The following CHCHD6 variants were observed in gnomAD, a reference collection of about 807,000 sequenced individuals.
CHCHD6 encodes the protein coiled-coil-helix-coiled-coil-helix domain containing 6.
Under a neutral mutation model 32.3 loss-of-function variants are expected in CHCHD6, and 28 were observed. The ratio of observed to expected loss-of-function variants is 0.87; its 90% confidence interval spans 0.64 to 1.19. The LOEUF is 1.19. Ranked by LOEUF, CHCHD6 falls within the 50% of genes most tolerant of loss-of-function variation. The pLI is 0.00. For missense variants in CHCHD6, 333 were observed against 307.0 expected (o/e 1.08, Z -0.63); for synonymous variants, 122 against 117.5 (o/e 1.04, Z -0.25).
chr3:126,907,108 T>A (rs2078019057), intron 5 of CHCHD6, among the ~76,000 whole-genome samples: 1 of 152,126 alleles, frequency 6.6e-6, no homozygotes, highest in African/African-American at 2.4e-5. Context: ...AGGTAAAGGC[T>A]GAGATAGCTA....
intron 6 of CHCHD6, chr3:126,949,792 A>G (rs2078692060): frequency 6.0e-6 from 1 of 167,884 alleles, no homozygotes; most frequent in Non-Finnish European, 1.3e-5. Context: ...AAGGCTACAC[A>G]CAGAATTATC....
intron 4 of CHCHD6, among the ~76,000 whole-genome samples, chr3:126,757,811 C>T (rs139497922): frequency 3.9e-4 from 60 of 152,136 alleles, no homozygotes; most frequent in African/African-American, 8.9e-4. Context: ...GCCCAGCTGC[C>T]GACAGGGGTA....
intron 5 of CHCHD6, among the ~76,000 whole-genome samples, chr3:126,909,095 G>A (rs865960570): frequency 1.3e-5 from 2 of 152,192 alleles, no homozygotes; most frequent in Non-Finnish European, 2.9e-5. Flanking sequence ...CTTCTCTCCC[G>A]TGGCGCCCAG....
At chr3:126,849,079 G>A (rs559481266) in intron 4 of CHCHD6, among the ~76,000 whole-genome samples, 3 of 152,340 alleles carry the variant, frequency 2.0e-5, no homozygotes, top group Non-Finnish European at 2.9e-5. Flanking sequence ...GTCCAGGGGC[G>A]GGATCTGTAG....
intron 4 of CHCHD6, among the ~76,000 whole-genome samples, chr3:126,739,987 A>G (rs1277665997): frequency 1.3e-5 from 2 of 152,224 alleles, no homozygotes; most frequent in African/African-American, 4.8e-5. Flanking sequence ...ATGCCCAGAA[A>G]TGGCCATTCT....
chr3:126,898,408 C>A (rs1030331941), intron 5 of CHCHD6, among the ~76,000 whole-genome samples: 12 of 152,132 alleles, frequency 7.9e-5, no homozygotes, highest in Non-Finnish European at 1.2e-4. Flanking sequence ...GCTGGGGCAC[C>A]GAGGAGACAT....
chr3:126,795,503 A>T (rs1161337370), intron 4 of CHCHD6, among the ~76,000 whole-genome samples: 1 of 152,176 alleles, frequency 6.6e-6, no homozygotes, highest in Non-Finnish European at 1.5e-5. Flanking sequence ...TCTTCTCAGA[A>T]TGTTTTCCAG....
intron 4 of CHCHD6, among the ~76,000 whole-genome samples, chr3:126,852,123 C>T (rs567110056): frequency 6.6e-6 from 1 of 152,336 alleles, no homozygotes; most frequent in East Asian, 1.9e-4. Context: ...CAGCTCAGAG[C>T]ATGAGGCTGT....
intron 4 of CHCHD6, among the ~76,000 whole-genome samples, chr3:126,756,152 G>C (rs1488376156): frequency 2.0e-5 from 3 of 152,034 alleles, no homozygotes; most frequent in Non-Finnish European, 4.4e-5. Flanking sequence ...CACTGTGGTC[G>C]TGATTCTTCA....
chr3:126,781,129 C>T (rs144998193), intron 4 of CHCHD6, among the ~76,000 whole-genome samples: 1 of 152,284 alleles, frequency 6.6e-6, no homozygotes, highest in African/African-American at 2.4e-5. Context: ...CCTGCCTTTC[C>T]TGAGATCAGA....
Position 126,832,696 on chromosome 3 carries a change from C to G in CHCHD6, c.412-19951C>G, listed in dbSNP as rs537827515. Among the ~76,000 whole-genome samples, 5 of 152,276 alleles carry G rather than the reference C, an allele frequency of 3.3e-5. No individual in the cohort carries two copies. The South Asian group carries it at 1.0e-3, about 32-fold the overall frequency. ...GCTGCCATCTTCATGTGTCATTGTG[C>G]TTTACTTCCTCTTTCCACTTTGTAG... On this transcript the variant is annotated intron_variant, in intron 4 of 7. Transcript: ENST00000290913.
chr3:126,770,042 T>C (rs1474131470), intron 4 of CHCHD6, among the ~76,000 whole-genome samples: 1 of 152,232 alleles, frequency 6.6e-6, no homozygotes, highest in Non-Finnish European at 1.5e-5. Context: ...GTAATTCTCA[T>C]TGTAGAGATT....
chr3:126,754,609 C>T (rs1159245094), intron 4 of CHCHD6, among the ~76,000 whole-genome samples: 1 of 152,190 alleles, frequency 6.6e-6, no homozygotes, highest in Non-Finnish European at 1.5e-5. Flanking sequence ...AGCAGGCTGC[C>T]TCTAACAGCT....
At chr3:126,880,132 G>A (rs1431325134) in intron 5 of CHCHD6, among the ~76,000 whole-genome samples, 1 of 152,136 alleles carries the variant, frequency 6.6e-6, no homozygotes, top group East Asian at 1.9e-4. Context: ...AATATACTAG[G>A]TGTGATACAC....
chr3:126,707,168 G>A (rs948460562), intron 1 of CHCHD6, among the ~76,000 whole-genome samples: 2 of 151,874 alleles, frequency 1.3e-5, no homozygotes, highest in Admixed American at 1.3e-4. Context: ...TTGGGAGGCT[G>A]AGGTAGGAGA....
intron 4 of CHCHD6, among the ~76,000 whole-genome samples, chr3:126,803,801 A>G (rs975187614): frequency 2.0e-5 from 3 of 152,210 alleles, no homozygotes; most frequent in African/African-American, 4.8e-5. Flanking sequence ...AAAATTGACC[A>G]CATAGTTGGA....
chr3:126,734,943 G>C (rs1935975995), intron 4 of CHCHD6, among the ~76,000 whole-genome samples: 1 of 152,180 alleles, frequency 6.6e-6, no homozygotes, highest in African/African-American at 2.4e-5. Context: ...TGGGAGTGAT[G>C]AGATCTGACT....
intron 4 of CHCHD6, among the ~76,000 whole-genome samples, chr3:126,773,372 G>A (rs891586783): frequency 2.0e-5 from 3 of 152,136 alleles, no homozygotes; most frequent in Admixed American, 6.5e-5. Flanking sequence ...AATAATTTAC[G>A]AGTAATACCT....
chr3:126,954,182 TG>T (rs2078753759), intron 6 of CHCHD6, among the ~76,000 whole-genome samples: 1 of 152,186 alleles, frequency 6.6e-6, no homozygotes, highest in Non-Finnish European at 1.5e-5. Context: ...GAGGCTGTCA[TG>T]GTCCCACGGG....
Sources: allele counts gnomAD v4.1 joint callset (sites outside exome capture counted in the v4.1 genomes callset), GRCh38; gene constraint gnomAD v4.1.1; transcripts MANE v1.5; gene names NCBI Gene and HGNC (gene_info 2026-07-23, HGNC 2026-07-21).